The following DENND1B variants were observed in gnomAD, a reference collection of about 807,000 sequenced individuals.
DENND1B encodes the protein DENN domain containing 1B.
Under a neutral mutation model 90.1 loss-of-function variants are expected in DENND1B, and 59 were observed. The ratio of observed to expected loss-of-function variants is 0.65; its 90% CI spans 0.53 to 0.81. The LOEUF is 0.81. Ranked by LOEUF, DENND1B falls within the 40% of genes least tolerant of loss-of-function variation. DENND1B has a pLI of 0.00. For synonymous variants in DENND1B, 337 were observed against 324.6 expected (o/e 1.04, Z -0.41); for missense variants, 862 against 912.6 (o/e 0.94, Z 0.71).
At chr1:197,668,527 C>T (rs566418347) in intron 5 of DENND1B, among the ~76,000 whole-genome samples, 2 of 151,776 alleles carry the variant, frequency 1.3e-5, no homozygotes, top group African/African-American at 4.8e-5. Context: ...TAAAATTCTA[C>T]GTACTTATTG....
intron 15 of DENND1B, among the ~76,000 whole-genome samples, chr1:197,559,439 G>A (rs1196680644): frequency 6.6e-6 from 1 of 151,280 alleles, no homozygotes; most frequent in African/African-American, 2.4e-5. Context: ...CAGAAGTGCT[G>A]AAGCAACACA....
chr1:197,514,571 T>C (rs1187324145), intron 20 of DENND1B, among the ~76,000 whole-genome samples: 1 of 151,534 alleles, frequency 6.6e-6, no homozygotes, highest in Non-Finnish European at 1.5e-5. Flanking sequence ...TCAAAATAAT[T>C]TAATGGTGGA....
intron 20 of DENND1B, among the ~76,000 whole-genome samples, chr1:197,516,007 ACAAT>A (rs1334991595): frequency 6.6e-6 from 1 of 151,800 alleles, no homozygotes; most frequent in Non-Finnish European, 1.5e-5. Context: ...TGCTTTTTCC[ACAAT>A]CAAACATCTA....
intron 5 of DENND1B, among the ~76,000 whole-genome samples, chr1:197,664,287 G>A (rs1472609668): frequency 1.3e-5 from 2 of 152,010 alleles, no homozygotes; most frequent in Non-Finnish European, 1.5e-5. Flanking sequence ...AAAATTACTC[G>A]ACATATTGTA....
intron 10 of DENND1B, among the ~76,000 whole-genome samples, chr1:197,628,380 C>A (rs1379102776): frequency 1.3e-5 from 2 of 152,130 alleles, no homozygotes; most frequent in African/African-American, 4.8e-5. Flanking sequence ...CGCATAACTA[C>A]AACTATCTGA....
chr1:197,559,084 C>T (rs1671947043), intron 15 of DENND1B, among the ~76,000 whole-genome samples: 1 of 151,776 alleles, frequency 6.6e-6, no homozygotes, highest in Non-Finnish European at 1.5e-5. Flanking sequence ...AGTCATATGC[C>T]TTTTACAATT....
At chr1:197,627,410 A>G (rs990724669) in intron 10 of DENND1B, among the ~76,000 whole-genome samples, 28 of 152,206 alleles carry the variant, frequency 1.8e-4, no homozygotes, top group African/African-American at 6.8e-4. Flanking sequence ...GCATATAAAC[A>G]GAACCAAAGA....
rs1447243077 is a variant in DENND1B at position 197,593,750 on chromosome 1, A to T, written c.1047+1458T>A. On this transcript the variant is annotated intron_variant, in intron 14 of 22. Coordinates refer to ENST00000620048, the MANE Select transcript of DENND1B (RefSeq NM_001195215.2). Reference sequence around the variant, plus strand: ...AAATCTGAAGTACTCAAAAAATTTTAAAATAAAAATGAAGTTTAGTTTATA... The same window carrying T: ...AAATCTGAAGTACTCAAAAAATTTTTAAATAAAAATGAAGTTTAGTTTATA... Among the ~76,000 whole-genome samples the T allele has an allele frequency of 3.9e-5, 6 of 152,106 alleles. No homozygotes were observed. In the East Asian group the frequency reaches 1.2e-3, roughly 29 times the overall value.
chr1:197,742,853 G>C (rs1663346436), intron 2 of DENND1B, among the ~76,000 whole-genome samples: 1 of 152,170 alleles, frequency 6.6e-6, no homozygotes, highest in African/African-American at 2.4e-5. Flanking sequence ...TATGTGCAGG[G>C]TGACACTCTT....
intron 9 of DENND1B, among the ~76,000 whole-genome samples, chr1:197,643,731 T>C (rs1014891141): frequency 6.6e-6 from 1 of 152,222 alleles, no homozygotes; most frequent in Non-Finnish European, 1.5e-5. Context: ...AATTTGATGA[T>C]GTTCTAAATT....
chr1:197,746,194 C>T (rs1009096049), intron 2 of DENND1B, among the ~76,000 whole-genome samples: 2 of 152,098 alleles, frequency 1.3e-5, no homozygotes, highest in Non-Finnish European at 2.9e-5. Context: ...GAGTTCAAGA[C>T]CAACCTAACC....
At chr1:197,589,604 T>G (rs1675008760) in intron 14 of DENND1B, among the ~76,000 whole-genome samples, 1 of 152,186 alleles carries the variant, frequency 6.6e-6, no homozygotes, top group Admixed American at 6.5e-5. Flanking sequence ...AATGGCCTTT[T>G]AAATTATGGA....
intron 7 of DENND1B, among the ~76,000 whole-genome samples, chr1:197,648,112 G>C (rs12083889): frequency 6.6e-6 from 1 of 152,076 alleles, no homozygotes; most frequent in African/African-American, 2.4e-5. Context: ...GATTATTTCA[G>C]CTACAATTTA....
At chr1:197,635,336 ATTTAT>A (rs1187342131) in intron 10 of DENND1B, among the ~76,000 whole-genome samples, 4 of 152,044 alleles carry the variant, frequency 2.6e-5, no homozygotes, top group African/African-American at 7.2e-5. Context: ...CCATGGTTTT[ATTTAT>A]TTTATTTTAT....
At chr1:197,747,984 G>A (rs1029351138) in intron 2 of DENND1B, among the ~76,000 whole-genome samples, 1 of 152,154 alleles carries the variant, frequency 6.6e-6, no homozygotes, top group East Asian at 1.9e-4. Flanking sequence ...CAGTTAGCAC[G>A]TAAATAGAAT....
intron 2 of DENND1B, among the ~76,000 whole-genome samples, chr1:197,761,476 C>T (rs1655049119): frequency 6.6e-6 from 1 of 152,138 alleles, no homozygotes; most frequent in East Asian, 1.9e-4. Context: ...TATTAAAACA[C>T]ATTTGAACTT....
intron 3 of DENND1B, among the ~76,000 whole-genome samples, chr1:197,700,052 T>A (rs558349953): frequency 2.9e-4 from 44 of 152,330 alleles, no homozygotes; most frequent in African/African-American, 9.9e-4. Flanking sequence ...AATTTATAGA[T>A]TCAATGTTAT....
intron 15 of DENND1B, among the ~76,000 whole-genome samples, chr1:197,562,886 C>A (rs913587901): frequency 1.3e-5 from 2 of 151,880 alleles, no homozygotes; most frequent in Non-Finnish European, 2.9e-5. Context: ...GGTGAAACAG[C>A]CTTATTGCTG....
intron 15 of DENND1B, among the ~76,000 whole-genome samples, chr1:197,562,751 A>T (rs1360019147): frequency 1.3e-5 from 2 of 151,970 alleles, no homozygotes; most frequent in African/African-American, 2.4e-5. Context: ...AAGGCATGTC[A>T]AAAACTGAGA....
Sources: allele counts gnomAD v4.1 joint callset (sites outside exome capture counted in the v4.1 genomes callset), GRCh38; gene constraint gnomAD v4.1.1; transcripts MANE v1.5; gene names NCBI Gene and HGNC (gene_info 2026-07-23, HGNC 2026-07-21).